Variants in OSBPL5 observed in about 807,000 individuals in gnomAD.
The protein encoded by OSBPL5 is oxysterol-binding protein-related protein 5.
In OSBPL5, 71 loss-of-function variants were observed where a neutral mutation model predicts 111.2. The observed-to-expected ratio is 0.64, with a 90% CI of 0.53 to 0.78. The LOEUF is 0.78. Among genes scored for constraint, OSBPL5 ranks in the 30% least tolerant of loss-of-function variants. The pLI, the probability that OSBPL5 is intolerant of heterozygous loss-of-function variation, is 0.00. For synonymous variants in OSBPL5, 549 were observed against 513.9 expected, an observed-to-expected ratio of 1.07 and a Z score of -0.93; for missense variants, 1,210 against 1,189.3, an observed-to-expected ratio of 1.02 and a Z score of -0.26.
rs1562353 is a variant in OSBPL5, at chr11:3,142,423, G to A, written c.-21-13254C>T. The stretch of plus-strand genomic sequence containing the variant: ...TGGGAAGCCCCTACCTCTCCACCAC[G>A]ACCCCTCCATGCCCTGCTGCCACAA... On this transcript the variant is annotated intron_variant, in intron 1 of 21. Coordinates refer to ENST00000263650, the MANE Select transcript of OSBPL5 (RefSeq NM_020896.4). This position sits in a 1 kb window ranked among gnomAD's most constrained non-coding sequence, Gnocchi z 7.1. Among the ~76,000 whole-genome samples, 45,028 of 152,006 alleles carry A rather than the reference G, an allele frequency of 0.3. 8,154 individuals are homozygous for A. Among genetic ancestry groups the A allele is most frequent in the African/African-American group, 0.52 (21,664 of 41,422 alleles).
At chr11:3,097,162 G>A (rs998946642) in intron 14 of OSBPL5, among the ~76,000 whole-genome samples, 8 of 144,528 alleles carry the variant, frequency 5.5e-5, no homozygotes, top group African/African-American at 2.0e-4. Flanking sequence ...GGAAAAGGGG[G>A]GAAGAGAAAG....
At chr11:3,115,294 TA>T (rs1344900218) in intron 7 of OSBPL5, among the ~76,000 whole-genome samples, 1 of 152,236 alleles carries the variant, frequency 6.6e-6, no homozygotes, top group Non-Finnish European at 1.5e-5. Flanking sequence ...AAACAGATAT[TA>T]AAATTTTTTT....
rs1346948695 is a variant in OSBPL5 at position 3,120,527 on chromosome 11, C to G, written c.500G>C (p.Gly167Ala). ...CTCGCAGCAGTGCAGCAGCACCGTG[C>G]CCACCCACTGGCCCACCTTGGGCGT... ...YKTPKVGQWV[G>A]TVLLHCCELI... Residue 167 changes from glycine (G) to alanine (A), a missense_variant, in exon 6 of 22, where the codon GGC (glycine) becomes GCC (alanine). Physicochemically the swap from Gly to Ala is moderately conservative, Grantham distance 60 (BLOSUM62 0). Transcript: ENST00000263650. 6.2e-7 allele frequency: 1 copy of G among 1,613,316 alleles called. No homozygotes were observed. Among genetic ancestry groups the G allele is most frequent in the South Asian group, 1.1e-5 (1 of 91,082 alleles).
At chr11:3,115,984 T>C (rs1858194504) in intron 7 of OSBPL5, among the ~76,000 whole-genome samples, 1 of 152,198 alleles carries the variant, frequency 6.6e-6, no homozygotes, top group South Asian at 2.1e-4. Flanking sequence ...CCTTTAAAAT[T>C]TGACAAACTT....
Position 3,121,967 on chromosome 11 carries a change from C to T in OSBPL5, c.402+30G>A. 6.5e-7 allele frequency: 1 copy of T among 1,533,174 alleles called. No homozygotes were observed. The highest frequency in any genetic ancestry group is 1.2e-5 in the South Asian group (1 of 84,244). The allele number at this position is 1,533,174 out of a possible 1,614,324, so 95.0% of individuals were successfully genotyped here. On this transcript the variant is annotated intron_variant, in intron 5 of 21. Transcript: ENST00000263650. The surrounding 1 kb of genome is among the most constrained non-coding windows in gnomAD (Gnocchi z 4.3). ...TGGCAGCAGCACGCTGACCCGTGTC[C>T]TGGGTGGCCGGAGGCCGGGCATCAC...
chr11:3,099,883 A>AC (rs1342673178), intron 14 of OSBPL5, among the ~76,000 whole-genome samples: 1 of 152,106 alleles, frequency 6.6e-6, no homozygotes, highest in African/African-American at 2.4e-5. Flanking sequence ...AGCCTGACCA[A>AC]CATGGTGAAA....
chr11:3,103,873 T>TGCCTGCGCAGCCCCCTTCCA (rs1564830811), intron 10 of OSBPL5, among the ~76,000 whole-genome samples: 5 of 22,590 alleles, frequency 2.2e-4, no homozygotes, highest in Admixed American at 5.7e-4. Context: ...GCCCCCTTCC[T>TGCCTGCGCAGCCCCCTTCCA]GCCTCTGTAG....
At position 3,110,540 on chromosome 11, in the gene OSBPL5, C is replaced by T. The variant is rs138208163; in HGVS notation, c.692-2595G>A. On this transcript the variant is annotated intron_variant, in intron 7 of 21. Coordinates refer to ENST00000263650, the MANE Select transcript of OSBPL5 (RefSeq NM_020896.4). This position sits in a 1 kb window ranked among gnomAD's most constrained non-coding sequence, Gnocchi z 5.3. ...TCTAATGTGGATGATAACAGTAGAA[C>T]CTGTTGTTTCAATGGTGCCTGGTGT... Among the ~76,000 whole-genome samples the T allele has an allele frequency of 6.6e-6, 1 of 152,166 alleles. No homozygotes were observed. Among genetic ancestry groups the T allele is most frequent in the Non-Finnish European group, 1.5e-5 (1 of 68,030 alleles).
chr11:3,103,814 G>GCAGCCCCATT lies in OSBPL5; in HGVS notation c.1244+378_1244+379insAATGGGGCTG, dbSNP rs1857577601. Among the ~76,000 whole-genome samples the GCAGCCCCATT allele has an allele frequency of 2.2e-4, 6 of 27,350 alleles. 2 individuals carry two copies. Among genetic ancestry groups the GCAGCCCCATT allele is most frequent in the South Asian group, 1.9e-3 (2 of 1,036 alleles). The allele number at this position is 27,350 out of a possible 152,430, so 17.9% of individuals were successfully genotyped here. Reference sequence around the variant, plus strand: ...TTCCTGCCTCTGCAGCCCTCTTCCTGCCTGCGCAGCCCCCTTCCAGCCTCT... The same window carrying GCAGCCCCATT: ...TTCCTGCCTCTGCAGCCCTCTTCCTGCAGCCCCATTCCTGCGCAGCCCCCTTCCAGCCTCT... On this transcript the variant is annotated intron_variant, in intron 10 of 21. Transcript: ENST00000263650.
intron 14 of OSBPL5, among the ~76,000 whole-genome samples, chr11:3,099,721 C>T (rs1857388883): frequency 6.6e-6 from 1 of 152,136 alleles, no homozygotes; most frequent in Non-Finnish European, 1.5e-5. Context: ...AAGCAAAACG[C>T]ACATATTCAA....
chr11:3,128,685 G>T (rs1858719295), intron 2 of OSBPL5, among the ~76,000 whole-genome samples: 1 of 152,024 alleles, frequency 6.6e-6, no homozygotes. Context: ...CAGGACTGGG[G>T]CTCAGGCCAC....
At chr11:3,155,906 G>T (rs1846743984) in intron 1 of OSBPL5, among the ~76,000 whole-genome samples, 1 of 152,234 alleles carries the variant, frequency 6.6e-6, no homozygotes, top group African/African-American at 2.4e-5. Context: ...ACCTCAGCCG[G>T]ACCCCACCCT....
chr11:3,107,871 C>T lies in OSBPL5; in HGVS notation c.766G>A (p.Gly256Ser). 1 of 1,608,374 alleles carries T rather than the reference C, an allele frequency of 6.2e-7. No individual in the cohort carries two copies. The highest frequency in any genetic ancestry group is 8.5e-7 in the Non-Finnish European group (1 of 1,179,922). Residue 256 changes from glycine to serine, a missense_variant, in exon 8 of 22, where the codon GGC (glycine) becomes AGC (serine). Physicochemically the swap from Gly to Ser is moderately conservative, Grantham distance 56. Coordinates refer to ENST00000263650, the MANE Select transcript of OSBPL5 (RefSeq NM_020896.4). The surrounding 1 kb of genome is among the most constrained non-coding windows in gnomAD (Gnocchi z 6.1). ...GAGGTCCCTGGCTCCCCGTCTCGGC[C>T]CGGCTTGCAGGTGCCCAGTCTCAGT... ...SLLRLGTCKP[G>S]RDGEPGTSPD...
At chr11:3,160,672 T>TCCCCCCCCCCC (rs71035491) in intron 1 of OSBPL5, among the ~76,000 whole-genome samples, 534 of 122,108 alleles carry the variant, frequency 4.4e-3, no homozygotes, top group African/African-American at 5.6e-3. Context: ...ATGACAACCC[T>TCCCCCCCCCCC]CCCCCCCCCC....
At position 3,121,591 on chromosome 11, in the gene OSBPL5, G is replaced by A. The variant is rs567575275; in HGVS notation, c.402+406C>T. Reference sequence around the variant, plus strand: ...CAAGGGGAAATGGAGGCTCAGAGGCGAGTGAATGGCCACGGTCTCCGTGAG... The same window carrying A: ...CAAGGGGAAATGGAGGCTCAGAGGCAAGTGAATGGCCACGGTCTCCGTGAG... On this transcript the variant is annotated intron_variant, in intron 5 of 21. Coordinates refer to ENST00000263650, the MANE Select transcript of OSBPL5 (RefSeq NM_020896.4). This position sits in a 1 kb window ranked among gnomAD's most constrained non-coding sequence, Gnocchi z 4.3. Among the ~76,000 whole-genome samples the A allele has an allele frequency of 5.5e-4, 83 of 152,256 alleles. No homozygotes were observed. Among genetic ancestry groups the A allele is most frequent in the African/African-American group, 1.9e-3 (78 of 41,530 alleles).
Position 3,147,883 on chromosome 11 carries a change from C to A in OSBPL5, c.-22+17333G>T, listed in dbSNP as rs1425193947. 2.0e-5 allele frequency among the ~76,000 whole-genome samples: 3 copies of A among 152,300 alleles called. No individual in the cohort carries two copies. In the East Asian group the frequency reaches 5.8e-4, roughly 29 times the overall value. On this transcript the variant is annotated intron_variant, in intron 1 of 21. Coordinates refer to ENST00000263650, the MANE Select transcript of OSBPL5 (RefSeq NM_020896.4). ...TCTGTCTCGTCTGGGTCTCCACCAC[C>A]AAGAGCCTGTTCTTGCGACTGAACG...
chr11:3,090,966 A>G (rs1163291920), intron 19 of OSBPL5, among the ~76,000 whole-genome samples: 1 of 152,216 alleles, frequency 6.6e-6, no homozygotes, highest in Non-Finnish European at 1.5e-5. Context: ...TGGTGCAGAC[A>G]CGCCTGCCCT....
rs890613966 is a variant in OSBPL5, at chr11:3,092,688, T to C, written c.2133-130A>G. ...GAGAATGACCACTGCCCACACCCCA[T>C]GGGCAGGGCCTGCAGTAAGGACTGA... On this transcript the variant is annotated intron_variant, in intron 18 of 21. Coordinates refer to ENST00000263650, the MANE Select transcript of OSBPL5 (RefSeq NM_020896.4). The surrounding 1 kb of genome is among the most constrained non-coding windows in gnomAD (Gnocchi z 5.4). The C allele has an allele frequency of 1.5e-6, 2 of 1,370,374 alleles. No homozygotes were observed. The highest frequency in any genetic ancestry group is 2.5e-5 in the East Asian group (1 of 39,464). 84.9% of individuals were successfully genotyped at this position (1,370,374 alleles called of 1,614,324 possible).
At chr11:3,135,440 G>A (rs1845924339) in intron 1 of OSBPL5, among the ~76,000 whole-genome samples, 1 of 151,838 alleles carries the variant, frequency 6.6e-6, no homozygotes, top group African/African-American at 2.4e-5. Context: ...CCAGAACCGT[G>A]GCAGCCAGGC....
Sources: gnomAD v4.1 joint callset for allele counts (sites outside exome capture counted in the v4.1 genomes callset) on GRCh38, gnomAD v4.1.1 for gene constraint, Gnocchi (gnomAD v3.1) non-coding constraint, MANE v1.5 for transcripts, NCBI Gene and HGNC (gene_info 2026-07-23, HGNC 2026-07-21) for gene names.